Variants in DAB1 observed in about 807,000 individuals in gnomAD.
DAB1 encodes the protein disabled homolog 1.
In DAB1, 15 loss-of-function variants were observed where a neutral mutation model predicts 64.6. The ratio of observed to expected loss-of-function variants is 0.23; its 90% confidence interval spans 0.16 to 0.36. The LOEUF is 0.36. Ranked by LOEUF, DAB1 falls within the 10% of genes least tolerant of loss-of-function variation. DAB1 has a pLI of 1.00. For missense variants in DAB1, 596 were observed against 706.7 expected (o/e 0.84, Z 1.78); for synonymous variants, 235 against 251.9 (o/e 0.93, Z 0.64).
At chr1:57,618,362 A>T (rs1645814301) in intron 7 of DAB1, among the ~76,000 whole-genome samples, 1 of 150,912 alleles carries the variant, frequency 6.6e-6, no homozygotes, top group Admixed American at 6.6e-5. Flanking sequence ...TTGCAGTAAG[A>T]CAAGATCATG....
At chr1:57,774,832 G>A (rs188167363) in intron 6 of DAB1, among the ~76,000 whole-genome samples, 38 of 151,786 alleles carry the variant, frequency 2.5e-4, no homozygotes, top group Non-Finnish European at 4.3e-4. Flanking sequence ...GAAAGATTTC[G>A]TGTGGGAGTG....
chr1:57,584,959 ACT>A (rs1645359532), intron 7 of DAB1, among the ~76,000 whole-genome samples: 1 of 145,348 alleles, frequency 6.9e-6, no homozygotes, highest in South Asian at 2.2e-4. Flanking sequence ...CTCCATTAAG[ACT>A]CACACCTCGG....
intron 4 of DAB1, among the ~76,000 whole-genome samples, chr1:58,315,885 A>C (rs1234886524): frequency 6.6e-6 from 1 of 152,212 alleles, no homozygotes; most frequent in Non-Finnish European, 1.5e-5. Flanking sequence ...GTAAATCTGA[A>C]ATGGTGATTC....
At chr1:58,279,401 G>A (rs1285968390) in intron 4 of DAB1, among the ~76,000 whole-genome samples, 2 of 152,204 alleles carry the variant, frequency 1.3e-5, no homozygotes, top group African/African-American at 4.8e-5. Flanking sequence ...GGCCTGGCCT[G>A]TTATTAGACT....
At chr1:57,775,580 T>C (rs1197593063) in intron 6 of DAB1, among the ~76,000 whole-genome samples, 1 of 151,714 alleles carries the variant, frequency 6.6e-6, no homozygotes, top group African/African-American at 2.4e-5. Flanking sequence ...AATCTAATTA[T>C]CTTTGTGATA....
chr1:57,172,618 G>A (rs1661891276), intron 2 of DAB1, among the ~76,000 whole-genome samples: 1 of 152,278 alleles, frequency 6.6e-6, no homozygotes, highest in Middle Eastern at 3.4e-3. Flanking sequence ...CATGGTGTAA[G>A]GTGAGGGAGG....
At chr1:58,102,927 C>CAGAGGGTCTGTCTGTGTTTTTCCA (rs1489434248) in intron 5 of DAB1, among the ~76,000 whole-genome samples, 9 of 152,166 alleles carry the variant, frequency 5.9e-5, no homozygotes, top group African/African-American at 2.2e-4. Flanking sequence ...CCTTCAGGAA[C>CAGAGGGTCTGTCTGTGTTTTTCCA]AGAGGGTCTG....
intron 6 of DAB1, among the ~76,000 whole-genome samples, chr1:57,666,473 A>C (rs974156754): frequency 6.6e-5 from 10 of 152,168 alleles, no homozygotes; most frequent in Admixed American, 5.2e-4. Context: ...GAGCAACAAA[A>C]GGTGAGAGAG....
Position 57,013,415 on chromosome 1 carries a change from T to C in DAB1, c.1444+1468A>G, listed in dbSNP as rs182059252. On this transcript the variant is annotated intron_variant, in intron 12 of 14. Transcript: ENST00000371236. The stretch of plus-strand genomic sequence containing the variant: ...AAAAAGATGCTTGCTTATTTATGCA[T>C]GGCTGTCATTTCTTTAACATTTCAT... Among the ~76,000 whole-genome samples, 359 of 152,360 alleles carry C rather than the reference T, an allele frequency of 2.4e-3. 1 individual carries two copies. Among genetic ancestry groups the C allele is most frequent in the African/African-American group, 8.3e-3 (347 of 41,590 alleles).
chr1:58,499,477 T>TATAGATAGATAAATAG (rs1645863694), intron 3 of DAB1, among the ~76,000 whole-genome samples: 1 of 143,662 alleles, frequency 7.0e-6, no homozygotes, highest in African/African-American at 2.6e-5. Flanking sequence ...AAAGCCAGAC[T>TATAGATAGATAAATAG]ATAGATAGAT....
At chr1:57,594,439 A>G (rs1231622214) in intron 7 of DAB1, among the ~76,000 whole-genome samples, 1 of 152,068 alleles carries the variant, frequency 6.6e-6, no homozygotes, top group East Asian at 1.9e-4. Flanking sequence ...TTAGAACCGG[A>G]TTGAGACCAC....
intron 3 of DAB1, among the ~76,000 whole-genome samples, chr1:58,358,275 AC>A (rs1432681786): frequency 6.6e-6 from 1 of 152,180 alleles, no homozygotes; most frequent in Non-Finnish European, 1.5e-5. Flanking sequence ...TCCAAATGCA[AC>A]CAAGTGTGGA....
At chr1:57,775,312 T>C (rs1443182765) in intron 6 of DAB1, among the ~76,000 whole-genome samples, 1 of 151,592 alleles carries the variant, frequency 6.6e-6, no homozygotes, top group Non-Finnish European at 1.5e-5. Flanking sequence ...CAGTTAGAGT[T>C]TAATTTGCTG....
In DAB1 at chr1:57,354,275, G is replaced by A. The variant is rs1446103842; in HGVS notation, c.-136-63109C>T. Among the ~76,000 whole-genome samples, 7 of 152,198 alleles carry A rather than the reference G, an allele frequency of 4.6e-5. No homozygotes were observed. In the East Asian group the frequency reaches 1.2e-3, roughly 25 times the overall value. On this transcript the variant is annotated intron_variant, in intron 1 of 14. Transcript: ENST00000371236. The stretch of plus-strand genomic sequence containing the variant: ...GCTGACATTCCTAGCATCATATCCA[G>A]AGAGACCACAGATTTGAGAGCTGCC...
chr1:57,069,397 G>A lies in DAB1; in HGVS notation c.626C>T (p.Pro209Leu). 6.2e-7 allele frequency: 1 copy of A among 1,613,574 alleles called. No homozygotes were observed. The highest frequency in any genetic ancestry group is 2.2e-5 in the East Asian group (1 of 44,856). The change falls in exon 8 of 15, where the codon CCA (proline) becomes CTA (leucine). Residue 209 changes from proline (P) to leucine (L), a missense_variant. By Grantham distance (98) the Pro-to-Leu change is moderately conservative (BLOSUM62 -3). Transcript: ENST00000371236. Reference protein sequence around the residue: ...QYIVFEAGHEPIRDPETEENI... With the variant: ...QYIVFEAGHELIRDPETEENI... ...TTCTTCCGTTTCGGGATCACGGATT[G>A]GCTCGTGTCCAGCCTCAAACACAAT...
intron 5 of DAB1, among the ~76,000 whole-genome samples, chr1:57,980,678 C>T (rs1467308639): frequency 6.6e-6 from 1 of 152,112 alleles, no homozygotes; most frequent in Admixed American, 6.6e-5. Context: ...CTTCTCTTTC[C>T]ATTCCTGATA....
intron 4 of DAB1, among the ~76,000 whole-genome samples, chr1:58,151,992 A>C (rs1654964676): frequency 6.6e-6 from 1 of 152,212 alleles, no homozygotes; most frequent in East Asian, 1.9e-4. Context: ...CAGAGAGAAC[A>C]AGATACGAAA....
intron 2 of DAB1, among the ~76,000 whole-genome samples, chr1:57,214,910 CAA>C (rs56175448): frequency 2.2e-4 from 13 of 58,750 alleles, no homozygotes; most frequent in Admixed American, 8.9e-4. Context: ...GATTCCCTCT[CAA>C]AAAAAAAAAA....
At chr1:57,833,716 T>C (rs1652689767) in intron 1 of DAB1, among the ~76,000 whole-genome samples, 1 of 152,190 alleles carries the variant, frequency 6.6e-6, no homozygotes, top group South Asian at 2.1e-4. Flanking sequence ...GAGCTGAATA[T>C]TTTCAAACTC....
Sources: allele counts gnomAD v4.1 joint callset (sites outside exome capture counted in the v4.1 genomes callset), GRCh38; gene constraint gnomAD v4.1.1; transcripts MANE v1.5; gene names NCBI Gene and HGNC (gene_info 2026-07-23, HGNC 2026-07-21).